ANKS1B: variants seen among roughly 807,000 people sequenced by gnomAD.
ANKS1B encodes ankyrin repeat and sterile alpha motif domain-containing protein 1B.
In ANKS1B, 36 loss-of-function variants were observed where a neutral mutation model predicts 148.3. The observed-to-expected ratio is 0.24, with a 90% CI of 0.19 to 0.32. ANKS1B has a LOEUF of 0.32. Among genes scored for constraint, ANKS1B ranks in the 10% least tolerant of loss-of-function variants. The pLI, the probability that ANKS1B is intolerant of heterozygous loss-of-function variation, is 1.00. For synonymous variants in ANKS1B, 542 were observed against 560.8 expected (o/e 0.97, Z 0.47); for missense variants, 1,157 against 1,542.6 (o/e 0.75, Z 4.19).
At chr12:99,650,159 AT>A (rs1194136236) in intron 9 of ANKS1B, 3 of 152,304 alleles carry the variant, frequency 2.0e-5, no homozygotes, top group Non-Finnish European at 4.4e-5. Flanking sequence ...TTAACTTTAT[AT>A]TTTTTAAATA....
At chr12:98,969,754 G>T (rs1160259096) in intron 17 of ANKS1B, among the ~76,000 whole-genome samples, 1 of 152,126 alleles carries the variant, frequency 6.6e-6, no homozygotes, top group Non-Finnish European at 1.5e-5. Flanking sequence ...GAATTATTGT[G>T]CACAGAGAAC....
At chr12:99,770,913 G>A (rs1189587444) in intron 8 of ANKS1B, among the ~76,000 whole-genome samples, 2 of 152,116 alleles carry the variant, frequency 1.3e-5, no homozygotes, top group Non-Finnish European at 2.9e-5. Flanking sequence ...CAGGAACGAA[G>A]AGTGGTGTTA....
At chr12:98,814,579 G>A (rs548487072) in intron 19 of ANKS1B, among the ~76,000 whole-genome samples, 7 of 152,252 alleles carry the variant, frequency 4.6e-5, no homozygotes, top group East Asian at 1.9e-4. Flanking sequence ...CCAGCTTGCC[G>A]AAGAGAGAAG....
chr12:99,717,842 G>C lies in ANKS1B; in HGVS notation c.1128+55080C>G, dbSNP rs189958338. Among the ~76,000 whole-genome samples the C allele has an allele frequency of 2.0e-5, 3 of 151,126 alleles. No individual in the cohort carries two copies. In the East Asian group the frequency reaches 5.8e-4, roughly 29 times the overall value. On this transcript the variant is annotated intron_variant, in intron 8 of 26. Coordinates refer to ENST00000683438, the MANE Select transcript of ANKS1B (RefSeq NM_001352186.2). ...CTCCAAACTGTTGTGGGTAGTGACG[G>C]CCAGGCTTCTAAACCTCTTAAAACT...
Position 99,238,835 on chromosome 12 carries a change from A to G in ANKS1B, c.2419+5507T>C, listed in dbSNP as rs140347136. On this transcript the variant is annotated intron_variant, in intron 14 of 26. Coordinates refer to ENST00000683438, the MANE Select transcript of ANKS1B (RefSeq NM_001352186.2). ...TGCAGCTGAGGGGCTTGACTGTTAG[A>G]AGGAAAACTAATAAACAGAAAGGAA... Among the ~76,000 whole-genome samples, 1,232 of 152,302 alleles carry G rather than the reference A, an allele frequency of 8.1e-3. 14 individuals carry two copies. The highest frequency in any genetic ancestry group is 0.028 in the African/African-American group (1,154 of 41,570).
intron 9 of ANKS1B, among the ~76,000 whole-genome samples, chr12:99,526,671 A>G (rs1473409882): frequency 6.6e-6 from 1 of 152,194 alleles, no homozygotes; most frequent in Non-Finnish European, 1.5e-5. Flanking sequence ...AGCCACTTCA[A>G]AATTGGAGGT....
chr12:98,773,595 C>G (rs927240873), intron 24 of ANKS1B, among the ~76,000 whole-genome samples: 3 of 152,114 alleles, frequency 2.0e-5, no homozygotes, highest in African/African-American at 7.2e-5. Flanking sequence ...GCTGGGACTA[C>G]AGGTGCATGC....
chr12:99,295,387 T>TA (rs2080723256), intron 12 of ANKS1B, among the ~76,000 whole-genome samples: 2 of 152,294 alleles, frequency 1.3e-5, no homozygotes, highest in South Asian at 2.1e-4. Context: ...TTTGCTCATT[T>TA]AAAAAAATTG....
At chr12:99,013,135 C>T (rs1312999116) in intron 17 of ANKS1B, among the ~76,000 whole-genome samples, 1 of 152,164 alleles carries the variant, frequency 6.6e-6, no homozygotes, top group Non-Finnish European at 1.5e-5. Context: ...TAGCAATTAG[C>T]CTAACTCTAA....
In ANKS1B at chr12:99,327,119, A is replaced by C. The variant is rs1404400132; in HGVS notation, c.1756+72512T>G. Among the ~76,000 whole-genome samples the C allele has an allele frequency of 1.1e-4, 14 of 125,694 alleles. 1 individual carries two copies. In the South Asian group the frequency reaches 3.1e-3, roughly 28 times the overall value. The allele number at this position is 125,694 out of a possible 152,430, so 82.5% of individuals were successfully genotyped here. ...TATATCAATATATATTAATATAACTAATATAATTAATATATTAATATACAA... is the reference window on the plus strand; with the variant it reads ...TATATCAATATATATTAATATAACTCATATAATTAATATATTAATATACAA... On this transcript the variant is annotated intron_variant, in intron 12 of 26. Transcript: ENST00000683438.
At chr12:99,024,421 C>A (rs1269039237) in intron 17 of ANKS1B, among the ~76,000 whole-genome samples, 1 of 152,184 alleles carries the variant, frequency 6.6e-6, no homozygotes, top group Non-Finnish European at 1.5e-5. Context: ...ACTCAGGGAA[C>A]TTCCAACTTC....
At chr12:99,431,899 G>T (rs965077537) in intron 11 of ANKS1B, among the ~76,000 whole-genome samples, 4 of 152,168 alleles carry the variant, frequency 2.6e-5, no homozygotes. Context: ...TTGGCAGGTG[G>T]GGCCTAGTAG....
Position 99,577,569 on chromosome 12 carries a change from C to CA in ANKS1B, c.1273-72929dup, listed in dbSNP as rs569249675. 1.4e-4 allele frequency among the ~76,000 whole-genome samples: 21 copies of CA among 151,674 alleles called. No homozygotes were observed. The East Asian group carries it at 2.7e-3, about 20-fold the overall frequency. ...TATTACCACCAGCCCCACATAAATA[C>CA]AAAAAAACCCTCAGAGACAATTATA... On this transcript the variant is annotated intron_variant, in intron 9 of 26. Transcript: ENST00000683438.
chr12:99,845,697 C>G (rs1332836780), intron 1 of ANKS1B, among the ~76,000 whole-genome samples: 3 of 152,036 alleles, frequency 2.0e-5, no homozygotes, highest in Non-Finnish European at 4.4e-5. Flanking sequence ...TTTGTTGTAT[C>G]TCTGCCAGGT....
intron 15 of ANKS1B, among the ~76,000 whole-genome samples, chr12:99,145,659 G>A (rs2072796386): frequency 1.3e-5 from 2 of 152,120 alleles, no homozygotes; most frequent in Admixed American, 1.3e-4. Context: ...AGGACCAGAA[G>A]TATGACAAAC....
chr12:99,660,363 C>CTT (rs71088137), intron 8 of ANKS1B, among the ~76,000 whole-genome samples: 2,199 of 120,526 alleles, frequency 0.018, 75 homozygotes, highest in African/African-American at 0.056. Flanking sequence ...TTTTCTTTTT[C>CTT]TTTTTTTTTT....
At chr12:99,449,884 GATCTATCCATCT>G (rs955366806) in intron 10 of ANKS1B, among the ~76,000 whole-genome samples, 12 of 149,104 alleles carry the variant, frequency 8.0e-5, no homozygotes, top group South Asian at 2.1e-4. Context: ...GGACCAACAG[GATCTATCCATCT>G]ATCTATCTAT....
chr12:99,799,059 T>A (rs1310700265), intron 4 of ANKS1B, among the ~76,000 whole-genome samples: 2 of 152,134 alleles, frequency 1.3e-5, no homozygotes, highest in African/African-American at 4.8e-5. Context: ...TTACTTTTCT[T>A]TATTCCACGC....
At chr12:99,935,241 A>G (rs1724289863) in intron 1 of ANKS1B, among the ~76,000 whole-genome samples, 1 of 151,994 alleles carries the variant, frequency 6.6e-6, no homozygotes, top group African/African-American at 2.4e-5. Flanking sequence ...ATTCCAGGGA[A>G]GAGAACACCT....
Sources: allele counts gnomAD v4.1 joint callset (sites outside exome capture counted in the v4.1 genomes callset), GRCh38; gene constraint gnomAD v4.1.1; transcripts MANE v1.5; gene names NCBI Gene and HGNC (gene_info 2026-07-23, HGNC 2026-07-21).